The following NKAIN3 variants were observed in gnomAD, a reference collection of about 807,000 sequenced individuals.
NKAIN3 encodes sodium/potassium transporting ATPase interacting 3, also known as sodium/potassium-transporting ATPase subunit beta-1-interacting protein 3.
Under a neutral mutation model 30.2 loss-of-function variants are expected in NKAIN3, and 25 were observed. The observed-to-expected ratio is 0.83, with a 90% CI of 0.60 to 1.16. NKAIN3 has a LOEUF of 1.16. Ranked by LOEUF, NKAIN3 falls within the 50% of genes most tolerant of loss-of-function variation. NKAIN3 has a pLI of 0.00. For missense variants in NKAIN3, 225 were observed against 254.1 expected (o/e 0.89, Z 0.78); for synonymous variants, 91 against 89.6 (o/e 1.02, Z -0.09).
At chr8:62,479,112 A>G (rs1441435354) in intron 1 of NKAIN3, among the ~76,000 whole-genome samples, 2 of 152,076 alleles carry the variant, frequency 1.3e-5, no homozygotes, top group Non-Finnish European at 2.9e-5. Context: ...GCAGGGTTGC[A>G]CTCGATATGT....
chr8:62,629,544 G>A (rs1045054285), intron 3 of NKAIN3, among the ~76,000 whole-genome samples: 7 of 152,086 alleles, frequency 4.6e-5, no homozygotes, highest in Non-Finnish European at 7.4e-5. Flanking sequence ...GATGATGCTA[G>A]TAAAATCACC....
At chr8:62,765,858 C>G (rs1816820852) in intron 4 of NKAIN3, among the ~76,000 whole-genome samples, 1 of 151,880 alleles carries the variant, frequency 6.6e-6, no homozygotes, top group South Asian at 2.1e-4. Flanking sequence ...CAGTACAAGA[C>G]TTTCTATAAG....
intron 5 of NKAIN3, chr8:62,990,106 C>A: frequency 6.1e-6 from 5 of 815,194 alleles, no homozygotes; most frequent in Admixed American, 2.7e-5. Flanking sequence ...CAAATCATTT[C>A]AATCTAATAA....
At chr8:62,737,256 C>A (rs1000583299) in intron 3 of NKAIN3, among the ~76,000 whole-genome samples, 1 of 152,148 alleles carries the variant, frequency 6.6e-6, no homozygotes, top group Non-Finnish European at 1.5e-5. Context: ...CTCAAAATTG[C>A]CCTTGTTTGA....
Position 62,980,145 on chromosome 8 carries a change from C to T in NKAIN3, c.*14738C>T, listed in dbSNP as rs1022420797. On this transcript the variant is annotated 3_prime_UTR_variant, in exon 7 of 7. Coordinates refer to ENST00000623646, the MANE Select transcript of NKAIN3 (RefSeq NM_001304533.3). ...TGTAATCCCACATGCCCTAGACAAG[C>T]CTCCTGATGATTTTTCATCAAACAT... 1 of 152,142 alleles carries T rather than the reference C, an allele frequency of 6.6e-6. No homozygotes were observed. Among genetic ancestry groups the T allele is most frequent in the African/African-American group, 2.4e-5 (1 of 41,422 alleles). 9.4% of individuals were successfully genotyped at this position (152,142 alleles called of 1,614,324 possible).
chr8:62,505,268 G>T (rs1354149294), intron 1 of NKAIN3, among the ~76,000 whole-genome samples: 1 of 152,170 alleles, frequency 6.6e-6, no homozygotes, highest in Non-Finnish European at 1.5e-5. Flanking sequence ...AATTCCTTGT[G>T]TTTAGCCCTA....
chr8:62,383,368 T>C, intron 1 of NKAIN3: 2 of 353,868 alleles, frequency 5.7e-6, no homozygotes, highest in Middle Eastern at 2.1e-3. Context: ...ACCAACCCAA[T>C]TGTATTTGCA....
At chr8:62,956,017 G>A (rs1298775317) in intron 6 of NKAIN3, among the ~76,000 whole-genome samples, 2 of 152,170 alleles carry the variant, frequency 1.3e-5, no homozygotes, top group Non-Finnish European at 2.9e-5. Context: ...CATGAAGGAA[G>A]CAAAAATCTA....
chr8:62,870,690 T>G (rs1388707322), intron 4 of NKAIN3, among the ~76,000 whole-genome samples: 1 of 101,382 alleles, frequency 9.9e-6, no homozygotes, highest in Non-Finnish European at 2.0e-5. Context: ...TCTATATCTC[T>G]CTATCTATAT....
chr8:62,410,089 C>T (rs1051616033), intron 1 of NKAIN3, among the ~76,000 whole-genome samples: 2 of 151,410 alleles, frequency 1.3e-5, no homozygotes, highest in African/African-American at 4.9e-5. Context: ...ATTTTGGGAC[C>T]CCCTCCTCCT....
In NKAIN3 at chr8:62,871,138, G is replaced by A. The variant is rs897088810; in HGVS notation, c.472-47315G>A. 3.9e-5 allele frequency among the ~76,000 whole-genome samples: 6 copies of A among 151,936 alleles called. No homozygotes were observed. The East Asian group carries it at 5.8e-4, about 15-fold the overall frequency. On this transcript the variant is annotated intron_variant, in intron 4 of 6. Coordinates refer to ENST00000623646, the MANE Select transcript of NKAIN3 (RefSeq NM_001304533.3). ...CATCCAGGCTGGGTGCAGTGGCTCCGAACTGTAATCCCAGCACTTTGGGAG... is the reference window on the plus strand; with the variant it reads ...CATCCAGGCTGGGTGCAGTGGCTCCAAACTGTAATCCCAGCACTTTGGGAG...
intron 1 of NKAIN3, among the ~76,000 whole-genome samples, chr8:62,429,933 C>T (rs1335450219): frequency 1.3e-5 from 2 of 151,838 alleles, no homozygotes; most frequent in Non-Finnish European, 2.9e-5. Flanking sequence ...TCACCACCAT[C>T]CGTCTCCATA....
intron 4 of NKAIN3, among the ~76,000 whole-genome samples, chr8:62,873,901 A>C (rs1256012657): frequency 6.6e-6 from 1 of 152,102 alleles, no homozygotes; most frequent in African/African-American, 2.4e-5. Flanking sequence ...TCAAATTGAC[A>C]CCTAGACGTC....
intron 1 of NKAIN3, among the ~76,000 whole-genome samples, chr8:62,560,626 G>A (rs192646367): frequency 1.5e-4 from 19 of 123,322 alleles, no homozygotes; most frequent in African/African-American, 4.6e-4. Flanking sequence ...TACAACCTCC[G>A]CCTCCTGGGT....
chr8:62,883,456 G>GGTTGTTGTT (rs1353393524), intron 4 of NKAIN3, among the ~76,000 whole-genome samples: 3 of 17,220 alleles, frequency 1.7e-4, no homozygotes, highest in Non-Finnish European at 1.7e-4. Context: ...GAGTTTTATG[G>GGTTGTTGTT]GTTTTTTTTT....
chr8:62,879,945 C>T (rs1177328272), intron 4 of NKAIN3, among the ~76,000 whole-genome samples: 4 of 152,100 alleles, frequency 2.6e-5, no homozygotes, highest in African/African-American at 9.7e-5. Flanking sequence ...TTAGGCTGCC[C>T]TTAGCCTTGG....
At chr8:62,823,270 CT>C (rs1438498508) in intron 4 of NKAIN3, among the ~76,000 whole-genome samples, 1 of 152,144 alleles carries the variant, frequency 6.6e-6, no homozygotes, top group Non-Finnish European at 1.5e-5. Flanking sequence ...CCATTATAAT[CT>C]TATGGTACCA....
At chr8:62,948,207 TC>T (rs1823180937) in intron 5 of NKAIN3, among the ~76,000 whole-genome samples, 1 of 151,912 alleles carries the variant, frequency 6.6e-6, no homozygotes, top group African/African-American at 2.4e-5. Flanking sequence ...TTTTTTTTTT[TC>T]TTTTTTTGAG....
intron 1 of NKAIN3, among the ~76,000 whole-genome samples, chr8:62,545,070 T>C (rs866160130): frequency 6.6e-6 from 1 of 152,068 alleles, no homozygotes; most frequent in Non-Finnish European, 1.5e-5. Context: ...TCTTGGGAAC[T>C]GAGTTGAAAG....
Sources: allele counts gnomAD v4.1 joint callset (sites outside exome capture counted in the v4.1 genomes callset), GRCh38; gene constraint gnomAD v4.1.1; transcripts MANE v1.5; gene names NCBI Gene and HGNC (gene_info 2026-07-23, HGNC 2026-07-21).